Variants in BBS9 observed in about 807,000 individuals in gnomAD.
BBS9 encodes protein PTHB1.
A neutral mutation model predicts 117.7 loss-of-function variants in BBS9; 89 were observed. That is an observed-to-expected ratio of 0.76 (90% confidence interval 0.64 to 0.90). The LOEUF is 0.90. Ranked by LOEUF, BBS9 falls within the 40% of genes least tolerant of loss-of-function variation. BBS9 has a pLI of 0.00. For synonymous variants in BBS9, 379 were observed against 370.9 expected, an observed-to-expected ratio of 1.02 and a Z score of -0.25; for missense variants, 982 against 1,042.2, an observed-to-expected ratio of 0.94 and a Z score of 0.80.
intron 19 of BBS9, among the ~76,000 whole-genome samples, chr7:33,429,208 T>C (rs1322270124): frequency 6.6e-6 from 1 of 152,128 alleles, no homozygotes; most frequent in Non-Finnish European, 1.5e-5. Context: ...CCTCTATTTG[T>C]TGCTATATCT....
chr7:33,484,914 A>G (rs1389621670), intron 19 of BBS9, among the ~76,000 whole-genome samples: 2 of 152,244 alleles, frequency 1.3e-5, no homozygotes, highest in African/African-American at 4.8e-5. Context: ...CAATGATAGC[A>G]TGGATAAATA....
chr7:33,328,993 T>TTTTTTTTA (rs1813410790), intron 9 of BBS9, among the ~76,000 whole-genome samples: 5 of 145,442 alleles, frequency 3.4e-5, no homozygotes, highest in Admixed American at 3.4e-4. Flanking sequence ...GTTTTCCTTC[T>TTTTTTTTA]TTTATTTATT....
intron 17 of BBS9, 53 bp downstream of exon 17, chr7:33,367,915 C>T: frequency 7.3e-7 from 1 of 1,363,354 alleles, no homozygotes; most frequent in Non-Finnish European, 1.0e-6. Flanking sequence ...AAGGATACCA[C>T]ATCACAGAGG....
downstream of BBS9, among the ~76,000 whole-genome samples, chr7:33,607,134 A>T (rs916445145): frequency 6.6e-6 from 1 of 152,150 alleles, no homozygotes; most frequent in African/African-American, 2.4e-5. Context: ...CTCCTTGGAC[A>T]TAACTGTTCT....
intron 5 of BBS9, among the ~76,000 whole-genome samples, chr7:33,203,189 A>T (rs894464174): frequency 2.0e-5 from 3 of 152,228 alleles, no homozygotes; most frequent in African/African-American, 7.2e-5. Flanking sequence ...GAATTTGGGA[A>T]TACATGCTGG....
At chr7:33,354,624 G>A (rs1032235984) in intron 15 of BBS9, among the ~76,000 whole-genome samples, 3 of 152,000 alleles carry the variant, frequency 2.0e-5, no homozygotes, top group Admixed American at 2.0e-4. Flanking sequence ...TAATATATAG[G>A]TATGGTTATT....
Position 33,253,334 on chromosome 7 carries a change from C to T in BBS9, c.443-3902C>T, listed in dbSNP as rs369094290. Reference sequence around the variant, plus strand: ...GGCTTAAATAAGAAAGATGTTTGGCCGGGCGCAGTGGCTTAATCCCTGTAA... The same window carrying T: ...GGCTTAAATAAGAAAGATGTTTGGCTGGGCGCAGTGGCTTAATCCCTGTAA... On this transcript the variant is annotated intron_variant, in intron 5 of 22. Transcript: ENST00000242067. Among the ~76,000 whole-genome samples the T allele has an allele frequency of 1.6e-4, 24 of 152,198 alleles. No individual in the cohort carries two copies. The South Asian group carries it at 2.9e-3, about 18-fold the overall frequency.
At chr7:33,175,377 A>AATGATTCT (rs2128158233) in intron 4 of BBS9, among the ~76,000 whole-genome samples, 1 of 152,200 alleles carries the variant, frequency 6.6e-6, no homozygotes, top group East Asian at 1.9e-4. Flanking sequence ...ACTGAGTAGA[A>AATGATTCT]ATGATTCTCC....
intron 1 of BBS9, among the ~76,000 whole-genome samples, chr7:33,137,006 C>A (rs1183158220): frequency 6.6e-6 from 1 of 152,054 alleles, no homozygotes. Context: ...TATTATGGAT[C>A]TATTTAGATT....
At chr7:33,168,805 T>G (rs1438896457) in intron 4 of BBS9, among the ~76,000 whole-genome samples, 1 of 149,680 alleles carries the variant, frequency 6.7e-6, no homozygotes, top group African/African-American at 2.6e-5. Flanking sequence ...ATATCTTGCT[T>G]TTTTTTATTT....
At position 33,457,739 on chromosome 7, in the gene BBS9, GAA is replaced by G. The variant is rs564583659; in HGVS notation, c.2116-47722_2116-47721del. Among the ~76,000 whole-genome samples, 231 of 152,194 alleles carry G rather than the reference GAA, an allele frequency of 1.5e-3. 2 individuals carry two copies. The highest frequency in any genetic ancestry group is 5.3e-3 in the African/African-American group (219 of 41,552). On this transcript the variant is annotated intron_variant, in intron 19 of 22. Transcript: ENST00000242067. ...GCATGATATATTTATCTGTAAAAAA[GAA>G]ACTTTCAGGAAATTGTGTCTGAAAA...
chr7:33,300,245 C>T (rs1227114568), intron 9 of BBS9, among the ~76,000 whole-genome samples: 1 of 152,088 alleles, frequency 6.6e-6, no homozygotes, highest in Admixed American at 6.5e-5. Flanking sequence ...TCCCTCTCTC[C>T]AGTCTCTTGC....
At chr7:33,169,796 G>T (rs1292168361) in intron 4 of BBS9, among the ~76,000 whole-genome samples, 3 of 151,240 alleles carry the variant, frequency 2.0e-5, no homozygotes, top group African/African-American at 4.9e-5. Flanking sequence ...CTTTTGCTGT[G>T]CAGAAGCTCT....
At chr7:33,582,918 G>A (rs752855303) in intron 21 of BBS9, among the ~76,000 whole-genome samples, 35 of 152,110 alleles carry the variant, frequency 2.3e-4, no homozygotes, top group Non-Finnish European at 4.6e-4. Context: ...CCTGCTACCA[G>A]AGGACCAGCC....
intron 20 of BBS9, among the ~76,000 whole-genome samples, chr7:33,528,574 A>T (rs968651561): frequency 3.9e-5 from 6 of 152,100 alleles, no homozygotes; most frequent in Admixed American, 6.6e-5. Context: ...TTCTGATTTT[A>T]AAAAAAAGTA....
intron 21 of BBS9, among the ~76,000 whole-genome samples, chr7:33,554,544 T>A (rs1279696957): frequency 1.3e-5 from 2 of 152,046 alleles, no homozygotes; most frequent in African/African-American, 2.4e-5. Flanking sequence ...AGTACCAAGG[T>A]GGACAGTAGT....
intron 5 of BBS9, among the ~76,000 whole-genome samples, chr7:33,219,810 A>T (rs181805451): frequency 6.6e-6 from 1 of 152,314 alleles, no homozygotes; most frequent in African/African-American, 2.4e-5. Flanking sequence ...CAGCAGTGGC[A>T]ACCCGCTGGG....
At chr7:33,323,499 C>T (rs914297026) in intron 9 of BBS9, among the ~76,000 whole-genome samples, 4 of 151,746 alleles carry the variant, frequency 2.6e-5, no homozygotes, top group East Asian at 3.9e-4. Context: ...TGACTTCCTT[C>T]GTCTCTTTTT....
chr7:33,227,163 A>AT (rs200953219), intron 5 of BBS9, among the ~76,000 whole-genome samples: 29,220 of 146,178 alleles, frequency 0.2, 2,964 homozygotes, highest in Non-Finnish European at 0.23. Context: ...ACAGCCATCA[A>AT]TTTTTTTTTT....
Sources: gnomAD v4.1 joint callset for allele counts (sites outside exome capture counted in the v4.1 genomes callset) on GRCh38, gnomAD v4.1.1 for gene constraint, MANE v1.5 for transcripts, NCBI Gene and HGNC (gene_info 2026-07-23, HGNC 2026-07-21) for gene names.